Variants in SNF8 observed in about 807,000 individuals in gnomAD.
SNF8 encodes SNF8 subunit of ESCRT-II.
In SNF8, 19 loss-of-function variants were observed where a neutral mutation model predicts 36.8. The observed-to-expected ratio is 0.52, with a 90% CI of 0.36 to 0.76. The LOEUF (loss-of-function observed/expected upper bound fraction) is 0.76, where lower values mean the gene tolerates loss of function less well. Among genes scored for constraint, SNF8 ranks in the 30% least tolerant of loss-of-function variants. The pLI, the probability that SNF8 is intolerant of heterozygous loss-of-function variation, is 0.00. For missense variants in SNF8, 268 were observed against 322.9 expected, an observed-to-expected ratio of 0.83 and a Z score of 1.30; for synonymous variants, 127 against 127.4, an observed-to-expected ratio of 1.00 and a Z score of 0.02.
intron 3 of SNF8, chr17:48,937,334 A>C: frequency 4.5e-6 from 3 of 671,452 alleles, no homozygotes; most frequent in Middle Eastern, 4.8e-4. Flanking sequence ...AGGCAATCTA[A>C]AAGTCATTTC....
At chr17:48,938,465 C>T (rs2040968311) in intron 3 of SNF8, among the ~76,000 whole-genome samples, 1 of 140,108 alleles carries the variant, frequency 7.1e-6, no homozygotes, top group Non-Finnish European at 1.5e-5. Flanking sequence ...CATTGCACTC[C>T]AGCCTGGGAA....
intron 3 of SNF8, among the ~76,000 whole-genome samples, chr17:48,940,292 T>C (rs919977936): frequency 6.6e-6 from 1 of 150,986 alleles, no homozygotes; most frequent in African/African-American, 2.4e-5. Context: ...CTGCCTGCCT[T>C]GGCCTTGCAA....
intron 3 of SNF8, among the ~76,000 whole-genome samples, chr17:48,938,199 T>C (rs2040964043): frequency 6.6e-6 from 1 of 152,064 alleles, no homozygotes; most frequent in Non-Finnish European, 1.5e-5. Context: ...CAATATTCTA[T>C]TCAGTGAAAA....
chr17:48,939,163 G>A (rs1184885888), intron 3 of SNF8, among the ~76,000 whole-genome samples: 1 of 151,632 alleles, frequency 6.6e-6, no homozygotes, highest in African/African-American at 2.4e-5. Flanking sequence ...TCAGGAGGCT[G>A]AGGCAGGAGA....
chr17:48,940,876 CCTCAGGTA>C lies in SNF8; in HGVS notation c.244+40_244+47del, dbSNP rs752457883. The C allele has an allele frequency of 3.4e-5, 54 of 1,594,006 alleles. No individual in the cohort carries two copies. In the Middle Eastern group the frequency reaches 6.9e-4, roughly 20 times the overall value. ...AACAACAACTATGTGAGCTTCTGTTCCTCAGGTACTCTATAAGAACGCTGGACCCCTAC... is the reference window on the plus strand; with the variant it reads ...AACAACAACTATGTGAGCTTCTGTTCCTCTATAAGAACGCTGGACCCCTAC... On this transcript the variant is annotated intron_variant, in intron 3 of 7. Transcript: ENST00000502492.
At position 48,935,190 on chromosome 17, in the gene SNF8, G is replaced by T. The variant is rs79706931; in HGVS notation, c.422+980C>A. Among the ~76,000 whole-genome samples the T allele has an allele frequency of 2.8e-3, 426 of 152,004 alleles. 1 individual carries two copies. The highest frequency in any genetic ancestry group is 9.6e-3 in the African/African-American group (400 of 41,466). ...GTTCAAAACCAGCCTGGCCAACAAC[G>T]TGAAACCCCATCACTACTAAAAATA... is the stretch of plus-strand genomic sequence containing the variant. On this transcript the variant is annotated intron_variant, in intron 5 of 7. Transcript: ENST00000502492.
chr17:48,931,256 A>G (rs1273822277), intron 7 of SNF8, among the ~76,000 whole-genome samples: 1 of 152,234 alleles, frequency 6.6e-6, no homozygotes, highest in Non-Finnish European at 1.5e-5. Flanking sequence ...AGTATATACT[A>G]TGCAATATAA....
chr17:48,934,504 T>C, intron 5 of SNF8: 2 of 199,608 alleles, frequency 1.0e-5, no homozygotes, highest in South Asian at 5.8e-5. Flanking sequence ...CTCAGGAGGC[T>C]GAGGCAGAAG....
chr17:48,936,300 G>T, intron 4 of SNF8, 58 bp from the exon 5 acceptor site: 2 of 1,375,342 alleles, frequency 1.5e-6, no homozygotes, highest in South Asian at 2.4e-5. Context: ...TAAATAAGTT[G>T]ACAGTCATTA....
rs867014572 is a variant in SNF8, at chr17:48,930,274, A to C, written c.*201T>G. 2 of 495,416 alleles carry C rather than the reference A, an allele frequency of 4.0e-6. No homozygotes were observed. The highest frequency in any genetic ancestry group is 3.8e-5 in the African/African-American group (2 of 52,106). 30.7% of individuals were successfully genotyped at this position (495,416 alleles called of 1,614,324 possible). A position where few individuals can be genotyped will look rare whatever the true frequency, so the allele number is the denominator to read the frequency against. ...ATATGTGCTTGCCGTTCTCTGTGTT[A>C]ATCAGATTATGCTTACTGAACGAGC... On this transcript the variant is annotated 3_prime_UTR_variant, in exon 8 of 8. Coordinates refer to ENST00000502492, the MANE Select transcript of SNF8 (RefSeq NM_007241.4).
chr17:48,932,863 T>A, intron 6 of SNF8: 1 of 203,544 alleles, frequency 4.9e-6, no homozygotes, highest in East Asian at 1.1e-4. Context: ...TTTTTTAAAA[T>A]CTGTTTTTGA....
chr17:48,934,610 CAAAAA>C (rs373704961), intron 5 of SNF8: 3 of 146,716 alleles, frequency 2.0e-5, no homozygotes, highest in African/African-American at 7.6e-5. Context: ...TTTCAAAAAA[CAAAAA>C]AAAAAAGTAG....
At position 48,931,709 on chromosome 17, in the gene SNF8, G is replaced by A; in HGVS notation, c.573C>T (p.Gly191=). 1 of 1,612,682 alleles carries A rather than the reference G, an allele frequency of 6.2e-7. No homozygotes were observed. Among genetic ancestry groups the A allele is most frequent in the East Asian group, 2.2e-5 (1 of 44,770 alleles). ...TVVLQLAEKN[G]YVTVSEIKAS... Reference sequence around the variant, plus strand: ...CTTTGATCTCACTGACAGTCACGTAGCCATTCTTCTGAAGGAAGGAGGAAT... The same window carrying A: ...CTTTGATCTCACTGACAGTCACGTAACCATTCTTCTGAAGGAAGGAGGAAT... Residue 191 remains glycine, a synonymous_variant, in exon 7 of 8, where the codon GGC becomes GGT. Transcript: ENST00000502492.
chr17:48,934,315 CTTTT>C (rs869207502), intron 5 of SNF8, among the ~76,000 whole-genome samples: 1 of 142,864 alleles, frequency 7.0e-6, no homozygotes. Flanking sequence ...TATCACTTTC[CTTTT>C]TTTTTTTTTT....
In SNF8 at chr17:48,944,752, G is replaced by C; in HGVS notation, c.-18C>G. 6.3e-7 allele frequency: 1 copy of C among 1,592,928 alleles called. No homozygotes were observed. Among genetic ancestry groups the C allele is most frequent in the Non-Finnish European group, 8.5e-7 (1 of 1,172,836 alleles). On this transcript the variant is annotated 5_prime_UTR_variant, in exon 1 of 8. Transcript: ENST00000502492. The stretch of plus-strand genomic sequence containing the variant: ...CGGTGCATCCCCACCCTGGGCCCGC[G>C]GGCCGCCCGGCTGCCGGGACCCCGG...
chr17:48,944,064 G>A, intron 1 of SNF8, 89 bp from the exon 2 acceptor site: 2 of 1,270,126 alleles, frequency 1.6e-6, no homozygotes, highest in South Asian at 1.2e-5. Flanking sequence ...AGAACTTTGG[G>A]ACGCCGAGGC....
At chr17:48,943,662 GGGACTGTAATGA>G (rs1295265715) in intron 2 of SNF8, among the ~76,000 whole-genome samples, 2 of 152,074 alleles carry the variant, frequency 1.3e-5, no homozygotes, top group African/African-American at 4.8e-5. Flanking sequence ...CCTTCCTTAT[GGGACTGTAATGA>G]GGATTGAACA....
In SNF8 at chr17:48,933,289, G is replaced by A. The variant is rs1469926653; in HGVS notation, c.480C>T (p.Ile160=). 2.5e-6 allele frequency: 4 copies of A among 1,614,090 alleles called. No individual in the cohort carries two copies. The highest frequency in any genetic ancestry group is 2.7e-5 in the African/African-American group (2 of 74,940). ...TGAGGTAAGTGCCGCCCACAGGGAT[G>A]ATGCCGAAGCCAGTGCCAAGTGCCT... The part of the protein sequence containing the change: ...KLKALGTGFG[I]IPVGGTYLIQ... The change falls in exon 6 of 8, where the codon ATC becomes ATT. Residue 160 remains isoleucine, a synonymous_variant. Transcript: ENST00000502492.
intron 3 of SNF8, among the ~76,000 whole-genome samples, chr17:48,938,008 A>G (rs2040961531): frequency 6.6e-6 from 1 of 152,148 alleles, no homozygotes; most frequent in Non-Finnish European, 1.5e-5. Context: ...ATTCTGGCTC[A>G]GGATACTGAA....
Sources: gnomAD v4.1 joint callset for allele counts (sites outside exome capture counted in the v4.1 genomes callset) on GRCh38, gnomAD v4.1.1 for gene constraint, MANE v1.5 for transcripts, NCBI Gene and HGNC (gene_info 2026-07-23, HGNC 2026-07-21) for gene names.